Variants in LIFR observed in about 807,000 individuals in gnomAD.
LIFR encodes the protein leukemia inhibitory factor receptor.
LIFR carries 84 observed loss-of-function variants against 122.2 expected under a neutral mutation model. The ratio of observed to expected loss-of-function variants is 0.69; its 90% CI spans 0.58 to 0.82. The LOEUF (loss-of-function observed/expected upper bound fraction) is 0.82, where lower values mean the gene tolerates loss of function less well. Ranked by LOEUF, LIFR falls within the 40% of genes least tolerant of loss-of-function variation. The pLI is 0.00. For missense variants in LIFR, 1,294 were observed against 1,311.6 expected (o/e 0.99, Z 0.21); for synonymous variants, 422 against 434.7 (o/e 0.97, Z 0.36).
upstream of LIFR, among the ~76,000 whole-genome samples, chr5:38,597,674 C>G (rs997918712): frequency 6.6e-6 from 1 of 152,158 alleles, no homozygotes; most frequent in Non-Finnish European, 1.5e-5. Flanking sequence ...TAAGAAATAT[C>G]CAGCCCCAAA....
intron 1 of LIFR, among the ~76,000 whole-genome samples, chr5:38,584,231 G>A (rs906431160): frequency 6.6e-6 from 1 of 152,094 alleles, no homozygotes; most frequent in Non-Finnish European, 1.5e-5. Context: ...AAAAGAGAAT[G>A]CTTGTACAAT....
At chr5:38,586,892 CT>C (rs1405466252) in intron 1 of LIFR, among the ~76,000 whole-genome samples, 1 of 152,130 alleles carries the variant, frequency 6.6e-6, no homozygotes, top group East Asian at 1.9e-4. Flanking sequence ...TTTAACTCTC[CT>C]TTTTGGAAAA....
At position 38,503,890 on chromosome 5, in the gene LIFR, A is replaced by G; in HGVS notation, c.1437+86T>C. 3 of 917,674 alleles carry G rather than the reference A, an allele frequency of 3.3e-6. No individual in the cohort carries two copies. In the Admixed American group the frequency reaches 6.0e-5, roughly 18 times the overall value. 56.8% of individuals were successfully genotyped at this position (917,674 alleles called of 1,614,324 possible). A position where few individuals can be genotyped will look rare whatever the true frequency, so the allele number is the denominator to read the frequency against. ...AAATCTCTATAATAAATAATCTGAGAGCTTAAGCATATCAATTTGCTTAAT... is the reference window on the plus strand; with the variant it reads ...AAATCTCTATAATAAATAATCTGAGGGCTTAAGCATATCAATTTGCTTAAT... On this transcript the variant is annotated intron_variant, in intron 10 of 19. Transcript: ENST00000453190.
chr5:38,517,066 G>A (rs1746122340), intron 5 of LIFR, among the ~76,000 whole-genome samples: 1 of 151,972 alleles, frequency 6.6e-6, no homozygotes, highest in African/African-American at 2.4e-5. Context: ...AGGGATGGGG[G>A]GCTAGGGAAA....
intron 1 of LIFR, among the ~76,000 whole-genome samples, chr5:38,538,184 T>C (rs572155271): frequency 8.6e-4 from 131 of 152,346 alleles, no homozygotes; most frequent in African/African-American, 3.0e-3. Flanking sequence ...CTTCTCTCAC[T>C]GACTTGAGAT....
chr5:38,506,864 C>G (rs375719972), intron 7 of LIFR, among the ~76,000 whole-genome samples: 2 of 152,170 alleles, frequency 1.3e-5, no homozygotes, highest in East Asian at 3.8e-4. Context: ...CTTAGCTCAT[C>G]TGGAAACTCC....
chr5:38,503,449 G>T (rs1419196489), intron 10 of LIFR, among the ~76,000 whole-genome samples: 3 of 152,112 alleles, frequency 2.0e-5, no homozygotes, highest in African/African-American at 7.2e-5. Context: ...TTACAGTTGT[G>T]ACTGATTTTC....
Position 38,493,748 on chromosome 5 carries a change from C to T in LIFR, c.1923G>A (p.Lys641=), listed in dbSNP as rs745322725. 1.2e-6 allele frequency: 2 copies of T among 1,614,088 alleles called. No individual in the cohort carries two copies. Among genetic ancestry groups the T allele is most frequent in the South Asian group, 1.1e-5 (1 of 91,068 alleles). Residue 641 remains lysine (K), a synonymous_variant, in exon 14 of 20, where the codon AAG becomes AAA. Coordinates refer to ENST00000453190, the MANE Select transcript of LIFR (RefSeq NM_001127671.2). ...LKIEQVVGMG[K]GILLTWHYDP... is the part of the protein sequence containing the mutation. The stretch of plus-strand genomic sequence containing the variant: ...CGTAATGCCAGGTGAGGAGAATCCC[C>T]TTTCCCATCCCAACAACTTGTTCTA...
chr5:38,551,717 T>C (rs879160284), intron 1 of LIFR, among the ~76,000 whole-genome samples: 6 of 152,180 alleles, frequency 3.9e-5, no homozygotes, highest in Non-Finnish European at 7.3e-5. Context: ...AGAAGAATGA[T>C]TGGAAGCCAA....
intron 14 of LIFR, 123 bp from the exon 15 acceptor site, chr5:38,490,414 T>TA (rs1282425679): frequency 4.1e-6 from 2 of 490,248 alleles, no homozygotes; most frequent in Non-Finnish European, 7.3e-6. Context: ...GTTTTCTTAT[T>TA]AAAAAATACA....
chr5:38,489,661 G>A (rs968341924), intron 15 of LIFR, among the ~76,000 whole-genome samples: 1 of 152,044 alleles, frequency 6.6e-6, no homozygotes, highest in Non-Finnish European at 1.5e-5. Context: ...TCCTGAGGAC[G>A]AGTAAAATTG....
At chr5:38,581,347 T>C (rs777857336) in intron 1 of LIFR, among the ~76,000 whole-genome samples, 1 of 152,228 alleles carries the variant, frequency 6.6e-6, no homozygotes, top group Non-Finnish European at 1.5e-5. Flanking sequence ...GCTACCTTTC[T>C]GGAGTATTTC....
chr5:38,521,473 C>T (rs1280679059), intron 5 of LIFR, among the ~76,000 whole-genome samples: 2 of 152,150 alleles, frequency 1.3e-5, no homozygotes, highest in Admixed American at 6.5e-5. Context: ...ATAAGAGTGG[C>T]GTAAGTGGTC....
Position 38,477,040 on chromosome 5 carries a change from A to G in LIFR, c.*4555T>C, listed in dbSNP as rs1464987487. The G allele has an allele frequency of 4.4e-6, 1 of 224,954 alleles. No homozygotes were observed. Among genetic ancestry groups the G allele is most frequent in the Non-Finnish European group, 8.9e-6 (1 of 112,950 alleles). The allele number at this position is 224,954 out of a possible 1,614,324, so 13.9% of individuals were successfully genotyped here. On this transcript the variant is annotated 3_prime_UTR_variant, in exon 20 of 20. Coordinates refer to ENST00000453190, the MANE Select transcript of LIFR (RefSeq NM_001127671.2). ...CACTCCCTGAAACATTACCATGTACAATAAAGCCTGAAATAGCCAACTAAT... is the reference window on the plus strand; with the variant it reads ...CACTCCCTGAAACATTACCATGTACGATAAAGCCTGAAATAGCCAACTAAT...
chr5:38,572,420 A>T (rs1225326835), intron 1 of LIFR, among the ~76,000 whole-genome samples: 1 of 152,132 alleles, frequency 6.6e-6, no homozygotes, highest in Admixed American at 6.5e-5. Flanking sequence ...TGAGAAACCT[A>T]CTCCCATGAT....
chr5:38,587,266 A>C (rs1749780456), intron 1 of LIFR, among the ~76,000 whole-genome samples: 1 of 152,078 alleles, frequency 6.6e-6, no homozygotes, highest in Admixed American at 6.6e-5. Flanking sequence ...GAAACTGAGG[A>C]GCATATACCA....
chr5:38,489,838 A>AT, intron 15 of LIFR, among the ~76,000 whole-genome samples: 1 of 150,786 alleles, frequency 6.6e-6, no homozygotes, highest in South Asian at 2.1e-4. Context: ...TACAAAAAAA[A>AT]AAAAAAATTA....
chr5:38,566,583 A>C (rs13173729), intron 1 of LIFR, among the ~76,000 whole-genome samples: 3,567 of 152,332 alleles, frequency 0.023, 81 homozygotes, highest in Non-Finnish European at 0.037. Context: ...AGAAGGTTGG[A>C]TAACACTGAG....
intron 1 of LIFR, among the ~76,000 whole-genome samples, chr5:38,539,377 T>C (rs1226334278): frequency 1.3e-5 from 2 of 152,158 alleles, no homozygotes; most frequent in African/African-American, 4.8e-5. Flanking sequence ...AATCATTCTC[T>C]CCCTTCCTTC....
Sources: allele counts gnomAD v4.1 joint callset (sites outside exome capture counted in the v4.1 genomes callset), GRCh38; gene constraint gnomAD v4.1.1; transcripts MANE v1.5; gene names NCBI Gene and HGNC (gene_info 2026-07-23, HGNC 2026-07-21).